Variants in OLFM1 observed in about 807,000 individuals in gnomAD.
The protein encoded by OLFM1 is olfactomedin 1.
Under a neutral mutation model 49.7 loss-of-function variants are expected in OLFM1, and 9 were observed. The ratio of observed to expected loss-of-function variants is 0.18; its 90% CI spans 0.11 to 0.32. The LOEUF is 0.32. Ranked by LOEUF, OLFM1 falls within the 10% of genes least tolerant of loss-of-function variation. The probability of loss-of-function intolerance (pLI) is 1.00; values close to 1 mark genes in which losing one functional copy is unlikely to be tolerated. For synonymous variants in OLFM1, 240 were observed against 271.8 expected (o/e 0.88, Z 1.15); for missense variants, 369 against 661.8 (o/e 0.56, Z 4.85).
Position 135,087,919 on chromosome 9 carries a change from C to T in OLFM1, c.-71C>T. ...CGCCCCTGCCCGCCGCGGTGCCCGC[C>T]GCCTGAAGGCCGCCTGGGCGCGGGA... On this transcript the variant is annotated 5_prime_UTR_variant, in exon 1 of 6. Coordinates refer to ENST00000371793, the MANE Select transcript of OLFM1 (RefSeq NM_001282611.2). 7.9e-7 allele frequency: 1 copy of T among 1,259,024 alleles called. No individual in the cohort carries two copies. Among genetic ancestry groups the T allele is most frequent in the African/African-American group, 1.6e-5 (1 of 62,906 alleles). 78.0% of individuals were successfully genotyped at this position (1,259,024 alleles called of 1,614,324 possible).
intron 1 of OLFM1, among the ~76,000 whole-genome samples, chr9:135,081,489 C>A (rs1191143794): frequency 1.3e-5 from 2 of 152,066 alleles, no homozygotes; most frequent in African/African-American, 4.8e-5. Context: ...GGAGGGGGTC[C>A]ACTTGTGGTT....
chr9:135,109,273 TG>T (rs1176858083), intron 5 of OLFM1, among the ~76,000 whole-genome samples: 1 of 152,252 alleles, frequency 6.6e-6, no homozygotes, highest in African/African-American at 2.4e-5. Flanking sequence ...ACCAAGGATC[TG>T]GGGCTCCTGG....
intron 2 of OLFM1, among the ~76,000 whole-genome samples, chr9:135,092,328 C>T (rs1032352982): frequency 6.6e-5 from 10 of 152,214 alleles, no homozygotes; most frequent in African/African-American, 2.4e-4. Flanking sequence ...GGAATGGCCA[C>T]AGGACCCTTG....
Position 135,098,549 on chromosome 9 carries a change from T to C in OLFM1, c.676+44T>C. 1 of 1,535,612 alleles carries C rather than the reference T, an allele frequency of 6.5e-7. No individual in the cohort carries two copies. ...GGGACGTGGCGCTGCACTGCCCACC[T>C]CCGGCACACGCACAGGCTTAGGGAG... is the stretch of plus-strand genomic sequence containing the variant. On this transcript the variant is annotated intron_variant, in intron 4 of 5. Coordinates refer to ENST00000371793, the MANE Select transcript of OLFM1 (RefSeq NM_001282611.2). This position sits in a 1 kb window ranked among gnomAD's most constrained non-coding sequence, Gnocchi z 5.6.
chr9:135,100,636 C>G (rs187773901), intron 4 of OLFM1, among the ~76,000 whole-genome samples: 111 of 152,318 alleles, frequency 7.3e-4, no homozygotes, highest in African/African-American at 2.6e-3. Flanking sequence ...TGAGCTCCCC[C>G]GTTAGAGGAG....
chr9:135,092,734 T>A (rs1487870606), intron 2 of OLFM1, among the ~76,000 whole-genome samples: 1 of 152,228 alleles, frequency 6.6e-6, no homozygotes, highest in African/African-American at 2.4e-5. Flanking sequence ...TGTTCCTTCC[T>A]GCCTGTGCGT....
At chr9:135,096,679 C>T (rs1830803318) in intron 3 of OLFM1, among the ~76,000 whole-genome samples, 1 of 152,222 alleles carries the variant, frequency 6.6e-6, no homozygotes, top group South Asian at 2.1e-4. Flanking sequence ...TGTCATTCTG[C>T]AGCTGCTGCA....
At position 135,088,287 on chromosome 9, in the gene OLFM1, G is replaced by A. The variant is rs1830629629; in HGVS notation, c.150+148G>A. 7.0e-6 allele frequency: 5 copies of A among 715,210 alleles called. No homozygotes were observed. Among genetic ancestry groups the A allele is most frequent in the Admixed American group, 4.7e-5 (1 of 21,230 alleles). The allele number at this position is 715,210 out of a possible 1,614,324, so 44.3% of individuals were successfully genotyped here. A position where few individuals can be genotyped will look rare whatever the true frequency, so the allele number is the denominator to read the frequency against. ...GGGAGCAGGGCGGGCAAGGGCAGGCGTCGCGGGCCGGCGCAGCGGTGGCGA... is the reference window on the plus strand; with the variant it reads ...GGGAGCAGGGCGGGCAAGGGCAGGCATCGCGGGCCGGCGCAGCGGTGGCGA... On this transcript the variant is annotated intron_variant, in intron 1 of 5. Transcript: ENST00000371793. This position sits in a 1 kb window ranked among gnomAD's most constrained non-coding sequence, Gnocchi z 4.8.
At position 135,114,247 on chromosome 9, in the gene OLFM1, A is replaced by C. The variant is rs189330756; in HGVS notation, c.784-5257A>C. Among the ~76,000 whole-genome samples, 1,058 of 143,032 alleles carry C rather than the reference A, an allele frequency of 7.4e-3. 5 individuals are homozygous for C. Among genetic ancestry groups the C allele is most frequent in the Middle Eastern group, 0.019 (5 of 260 alleles). The allele number at this position is 143,032 out of a possible 152,430, so 93.8% of individuals were successfully genotyped here. A position where few individuals can be genotyped will look rare whatever the true frequency, so the allele number is the denominator to read the frequency against. On this transcript the variant is annotated intron_variant, in intron 5 of 5. Coordinates refer to ENST00000371793, the MANE Select transcript of OLFM1 (RefSeq NM_001282611.2). ...GTGATTCTCCTGCCTTAGCCTCCCGAGTAGCTGGGATTACAGGCACGTGCC... is the reference window on the plus strand; with the variant it reads ...GTGATTCTCCTGCCTTAGCCTCCCGCGTAGCTGGGATTACAGGCACGTGCC...
In OLFM1 at chr9:135,088,685, A is replaced by G. The variant is rs141351744; in HGVS notation, c.150+546A>G. Among the ~76,000 whole-genome samples the G allele has an allele frequency of 4.1e-3, 630 of 151,854 alleles. 1 individual carries two copies. Among genetic ancestry groups the G allele is most frequent in the African/African-American group, 0.014 (596 of 41,444 alleles). ...GCTCCTGCCCGCGCCTGCATTCCCA[A>G]AGTCCCAAGGCGCCCTTTCCTCCCC... On this transcript the variant is annotated intron_variant, in intron 1 of 5. Transcript: ENST00000371793. This position sits in a 1 kb window ranked among gnomAD's most constrained non-coding sequence, Gnocchi z 4.8.
chr9:135,101,814 G>GGC (rs760710979), intron 4 of OLFM1, among the ~76,000 whole-genome samples: 27 of 152,368 alleles, frequency 1.8e-4, no homozygotes, highest in Admixed American at 2.6e-4. Flanking sequence ...GAGCTCCCGG[G>GGC]GCGTGGCATG....
At chr9:135,077,598 T>C (rs1449018852) in intron 1 of OLFM1, among the ~76,000 whole-genome samples, 3 of 152,166 alleles carry the variant, frequency 2.0e-5, no homozygotes, top group Non-Finnish European at 4.4e-5. Context: ...TTCAGGACCC[T>C]GGTCAGCTCC....
chr9:135,102,095 G>A (rs983273735), intron 4 of OLFM1, among the ~76,000 whole-genome samples: 3 of 152,214 alleles, frequency 2.0e-5, no homozygotes, highest in Non-Finnish European at 4.4e-5. Context: ...CCTGTCAGCC[G>A]CTGGGAGCTG....
intron 4 of OLFM1, among the ~76,000 whole-genome samples, chr9:135,102,362 G>A (rs1454904027): frequency 2.0e-5 from 3 of 152,234 alleles, no homozygotes; most frequent in Admixed American, 6.5e-5. Flanking sequence ...CACACATGGT[G>A]CGTTCAAGGA....
intron 5 of OLFM1, among the ~76,000 whole-genome samples, chr9:135,111,310 G>A (rs1474383868): frequency 6.6e-6 from 1 of 152,244 alleles, no homozygotes; most frequent in African/African-American, 2.4e-5. Flanking sequence ...ATTTGGGCAG[G>A]AACTTGGGGC....
intron 1 of OLFM1, chr9:135,075,911 G>A: frequency 7.1e-7 from 1 of 1,416,924 alleles, no homozygotes; most frequent in Admixed American, 2.9e-5. Context: ...CCGCGCCCCC[G>A]GCCTGGGCGC....
At chr9:135,118,855 G>A (rs190477831) in intron 5 of OLFM1, among the ~76,000 whole-genome samples, 113 of 148,656 alleles carry the variant, frequency 7.6e-4, no homozygotes, top group African/African-American at 2.6e-3. Context: ...TGCTCACCGG[G>A]TCTTTGGAGT....
chr9:135,120,455 A>G lies in OLFM1; in HGVS notation c.*277A>G. 1 of 478,676 alleles carries G rather than the reference A, an allele frequency of 2.1e-6. No homozygotes were observed. Among genetic ancestry groups the G allele is most frequent in the South Asian group, 2.7e-5 (1 of 37,662 alleles). The allele number at this position is 478,676 out of a possible 1,614,324, so 29.7% of individuals were successfully genotyped here. ...CCCTGTCCCTCTCTGGTCAAACAAC[A>G]TACTAAAGAGGCGAGGCAATGACTG... On this transcript the variant is annotated 3_prime_UTR_variant, in exon 6 of 6. Coordinates refer to ENST00000371793, the MANE Select transcript of OLFM1 (RefSeq NM_001282611.2).
At chr9:135,101,802 T>G (rs1481994015) in intron 4 of OLFM1, among the ~76,000 whole-genome samples, 2 of 152,192 alleles carry the variant, frequency 1.3e-5, no homozygotes, top group East Asian at 3.9e-4. Context: ...GCTCTACCCA[T>G]GGAGCTCCCG....
Sources: allele counts gnomAD v4.1 joint callset (sites outside exome capture counted in the v4.1 genomes callset), GRCh38; gene constraint gnomAD v4.1.1; non-coding constraint Gnocchi (gnomAD v3.1); transcripts MANE v1.5; gene names NCBI Gene and HGNC (gene_info 2026-07-23, HGNC 2026-07-21).